Variants in CCDC112 observed in about 807,000 individuals in gnomAD.
CCDC112 encodes coiled-coil domain containing 112.
A neutral mutation model predicts 66.3 loss-of-function variants in CCDC112; 40 were observed. The ratio of observed to expected loss-of-function variants is 0.60; its 90% CI spans 0.47 to 0.79. CCDC112 has a LOEUF of 0.79. Ranked by LOEUF, CCDC112 falls within the 30% of genes least tolerant of loss-of-function variation. The pLI, the probability that CCDC112 is intolerant of heterozygous loss-of-function variation, is 0.00. For synonymous variants in CCDC112, 214 were observed against 197.2 expected (o/e 1.09, Z -0.71); for missense variants, 659 against 603.8 (o/e 1.09, Z -0.96).
Position 115,267,920 on chromosome 5 carries a change from TAAGGAGAAA to T in CCDC112, c.1548-11_1548-3del. ...CCTTGTCTCCAGGTTGGAATAGCCCTAAGGAGAAAAAGAGAAAAGCAATTGTAAATATGT... is the reference window on the plus strand; with the variant it reads ...CCTTGTCTCCAGGTTGGAATAGCCCTAAGAGAAAAGCAATTGTAAATATGT... On this transcript the variant is annotated splice_region_variant and splice_polypyrimidine_tract_variant and intron_variant, in intron 9 of 9. Coordinates refer to ENST00000379611, the MANE Select transcript of CCDC112 (RefSeq NM_001040440.3). 2 of 1,609,394 alleles carry T rather than the reference TAAGGAGAAA, an allele frequency of 1.2e-6. No individual in the cohort carries two copies. Among genetic ancestry groups the T allele is most frequent in the Non-Finnish European group, 1.7e-6 (2 of 1,176,376 alleles).
chr5:115,288,934 A>T, intron 1 of CCDC112: 1 of 437,010 alleles, frequency 2.3e-6, no homozygotes, highest in South Asian at 1.6e-5. Flanking sequence ...TCTGGATTGT[A>T]CAAGGAGGGA....
intron 1 of CCDC112, among the ~76,000 whole-genome samples, chr5:115,287,191 G>A (rs1056075670): frequency 6.6e-6 from 1 of 152,096 alleles, no homozygotes; most frequent in East Asian, 1.9e-4. Context: ...ACCAATAACT[G>A]TTATCGTCTG....
At chr5:115,284,289 A>G (rs1267513592) in intron 2 of CCDC112, among the ~76,000 whole-genome samples, 1 of 152,168 alleles carries the variant, frequency 6.6e-6, no homozygotes, top group Non-Finnish European at 1.5e-5. Context: ...TTAACCATGT[A>G]ACCTATGGAA....
intron 1 of CCDC112, among the ~76,000 whole-genome samples, chr5:115,294,948 G>T (rs1337022983): frequency 6.6e-6 from 1 of 151,960 alleles, no homozygotes; most frequent in Non-Finnish European, 1.5e-5. Flanking sequence ...CAACAATGAG[G>T]CTCTGCTTTC....
At chr5:115,273,301 G>T (rs1199700915) in intron 6 of CCDC112, among the ~76,000 whole-genome samples, 1 of 152,170 alleles carries the variant, frequency 6.6e-6, no homozygotes, top group Non-Finnish European at 1.5e-5. Flanking sequence ...AAAGTTCAGA[G>T]CATGTCTGAA....
In CCDC112 at chr5:115,276,036, A is replaced by G; in HGVS notation, c.485T>C (p.Ile162Thr). 1 of 1,607,690 alleles carries G rather than the reference A, an allele frequency of 6.2e-7. No homozygotes were observed. Among genetic ancestry groups the G allele is most frequent in the Non-Finnish European group, 8.5e-7 (1 of 1,177,138 alleles). ...TTTAAAAGTGTTAATTGCATTTTCA[A>G]TTTCTTCCATCATTTCTCTGAGCTT... Reference protein sequence around the residue: ...VEKLREMMEEIENAINTFKEE... With the variant: ...VEKLREMMEETENAINTFKEE... The change falls in exon 5 of 10, where the codon ATT becomes ACT. Residue 162 changes from isoleucine (I) to threonine (T), a missense_variant. Transcript: ENST00000379611.
At chr5:115,295,094 C>T (rs747052122) in intron 1 of CCDC112, among the ~76,000 whole-genome samples, 7 of 152,086 alleles carry the variant, frequency 4.6e-5, no homozygotes, top group Non-Finnish European at 8.8e-5. Context: ...CTCAACACCC[C>T]CCTGCTCCCC....
intron 1 of CCDC112, among the ~76,000 whole-genome samples, chr5:115,287,931 C>T (rs779989147): frequency 1.3e-4 from 20 of 152,086 alleles, no homozygotes; most frequent in Admixed American, 2.6e-4. Flanking sequence ...AGTACACACA[C>T]ATTTCAATTT....
chr5:115,277,038 T>C lies in CCDC112; in HGVS notation c.378A>G (p.Gln126=). 1 of 1,607,612 alleles carries C rather than the reference T, an allele frequency of 6.2e-7. No homozygotes were observed. The highest frequency in any genetic ancestry group is 1.1e-5 in the South Asian group (1 of 90,762). Residue 126 remains glutamine (Q), a synonymous_variant, in exon 4 of 10, where the codon CAA becomes CAG. Coordinates refer to ENST00000379611, the MANE Select transcript of CCDC112 (RefSeq NM_001040440.3). ...CATTATTATGTATTTTGGCCAATTGTTGCTGGATTTTTGCTCCTATAAGAA... is the reference window on the plus strand; with the variant it reads ...CATTATTATGTATTTTGGCCAATTGCTGCTGGATTTTTGCTCCTATAAGAA... ...SRKTERAKIQ[Q]QLAKIHNNVK... is the part of the protein sequence containing the mutation.
intron 3 of CCDC112, among the ~76,000 whole-genome samples, chr5:115,277,965 T>C (rs765471693): frequency 2.6e-5 from 4 of 152,180 alleles, no homozygotes; most frequent in Non-Finnish European, 5.9e-5. Context: ...GTAATTATTT[T>C]TTTAAGAAAA....
At chr5:115,269,560 T>A in intron 8 of CCDC112, 143 bp downstream of exon 8, 1 of 597,462 alleles carries the variant, frequency 1.7e-6, no homozygotes, top group Non-Finnish European at 2.8e-6. Context: ...AAGTTATGCT[T>A]GCTAATATGT....
chr5:115,284,674 T>C, intron 2 of CCDC112, 113 bp downstream of exon 2: 4 of 753,010 alleles, frequency 5.3e-6, no homozygotes, highest in Non-Finnish European at 8.3e-6. Context: ...AGGCTAGTGA[T>C]TACAATTTTA....
intron 1 of CCDC112, among the ~76,000 whole-genome samples, chr5:115,286,050 T>C (rs1375816213): frequency 6.6e-6 from 1 of 152,194 alleles, no homozygotes; most frequent in Non-Finnish European, 1.5e-5. Context: ...AGTCAAAATG[T>C]AATTCACAGA....
intron 1 of CCDC112, among the ~76,000 whole-genome samples, chr5:115,290,972 C>G (rs977812640): frequency 6.6e-6 from 1 of 152,016 alleles, no homozygotes; most frequent in Non-Finnish European, 1.5e-5. Flanking sequence ...AATACGAATG[C>G]TTTTTATTTG....
At chr5:115,276,757 C>T (rs947663840) in intron 4 of CCDC112, among the ~76,000 whole-genome samples, 5 of 152,114 alleles carry the variant, frequency 3.3e-5, no homozygotes, top group Middle Eastern at 3.4e-3. Context: ...CAGAAATGCC[C>T]GATTATAGTT....
At chr5:115,277,128 G>A in intron 3 of CCDC112, 74 bp from the exon 4 acceptor site, 1 of 815,392 alleles carries the variant, frequency 1.2e-6, no homozygotes, top group Non-Finnish European at 2.1e-6. Context: ...CTACATGTAA[G>A]ACTGATCACT....
At position 115,269,020 on chromosome 5, in the gene CCDC112, A is replaced by G. The variant is rs762304227; in HGVS notation, c.1429-20T>C. 5 of 1,401,282 alleles carry G rather than the reference A, an allele frequency of 3.6e-6. No individual in the cohort carries two copies. In the African/African-American group the frequency reaches 7.3e-5, roughly 20 times the overall value. The allele number at this position is 1,401,282 out of a possible 1,614,324, so 86.8% of individuals were successfully genotyped here. Reference sequence around the variant, plus strand: ...TTCAACCTGTAATCAGAAGTAAAATAGTACCAGTTAATTATACAAACTCAG... The same window carrying G: ...TTCAACCTGTAATCAGAAGTAAAATGGTACCAGTTAATTATACAAACTCAG... On this transcript the variant is annotated intron_variant, in intron 8 of 9. Coordinates refer to ENST00000379611, the MANE Select transcript of CCDC112 (RefSeq NM_001040440.3).
intron 2 of CCDC112, among the ~76,000 whole-genome samples, chr5:115,280,850 T>C (rs1749424934): frequency 6.6e-6 from 1 of 151,954 alleles, no homozygotes. Context: ...CAAAATTAAT[T>C]TTCTTAATGT....
rs1580815001 is a variant in CCDC112 at position 115,296,633 on chromosome 5, G to A, written c.-90C>T. 2.3e-6 allele frequency: 3 copies of A among 1,323,800 alleles called. No individual in the cohort carries two copies. The East Asian group carries it at 9.3e-5, about 41-fold the overall frequency. The allele number at this position is 1,323,800 out of a possible 1,614,324, so 82.0% of individuals were successfully genotyped here. Reference sequence around the variant, plus strand: ...CCCTGGCCTCTGCAGACAGCTCCCTGCGCTGCGGGCTTGGCCGGGATGCAG... The same window carrying A: ...CCCTGGCCTCTGCAGACAGCTCCCTACGCTGCGGGCTTGGCCGGGATGCAG... On this transcript the variant is annotated 5_prime_UTR_variant, in exon 1 of 10. Transcript: ENST00000379611.
Sources: allele counts gnomAD v4.1 joint callset (sites outside exome capture counted in the v4.1 genomes callset), GRCh38; gene constraint gnomAD v4.1.1; transcripts MANE v1.5; gene names NCBI Gene and HGNC (gene_info 2026-07-23, HGNC 2026-07-21).